RBFOX1: variants seen among roughly 807,000 people sequenced by gnomAD.
The protein encoded by RBFOX1 is RNA binding fox-1 homolog 1, also known as RNA binding protein fox-1 homolog 1.
A neutral mutation model predicts 57.7 loss-of-function variants in RBFOX1; 8 were observed. The observed-to-expected ratio is 0.14, with a 90% CI of 0.08 to 0.25. The LOEUF is 0.25. Ranked by LOEUF, RBFOX1 falls within the 10% of genes least tolerant of loss-of-function variation. The pLI is 1.00. For missense variants in RBFOX1, 611 were observed against 548.5 expected, an observed-to-expected ratio of 1.11 and a Z score of -1.14; for synonymous variants, 326 against 222.4, an observed-to-expected ratio of 1.47 and a Z score of -4.15.
intron 2 of RBFOX1, among the ~76,000 whole-genome samples, chr16:6,550,683 A>C (rs76204992): frequency 1.3e-3 from 203 of 152,322 alleles, no homozygotes; most frequent in Non-Finnish European, 2.5e-3. Flanking sequence ...CATGAGCCAA[A>C]ATCAATTTCT....
At chr16:5,627,732 G>A (rs2048386224) in intron 3 of RBFOX1, among the ~76,000 whole-genome samples, 1 of 152,080 alleles carries the variant, frequency 6.6e-6, no homozygotes, top group African/African-American at 2.4e-5. Context: ...AAAAAATACA[G>A]TATAACAACT....
In RBFOX1 at chr16:7,329,929, C is replaced by G. The variant is rs1044620988; in HGVS notation, c.28-188218C>G. On this transcript the variant is annotated intron_variant, in intron 4 of 15. Transcript: ENST00000550418. ...ATTCTTTTATATATAAGCATATATA[C>G]ACACAGTCACGTGTCCCTTAACATT... is the stretch of plus-strand genomic sequence containing the variant. Among the ~76,000 whole-genome samples, 67 of 152,162 alleles carry G rather than the reference C, an allele frequency of 4.4e-4. 1 individual carries two copies. The highest frequency in any genetic ancestry group is 1.6e-3 in the African/African-American group (66 of 41,430).
intron 4 of RBFOX1, among the ~76,000 whole-genome samples, chr16:7,484,987 T>A (rs1282993180): frequency 6.6e-6 from 1 of 152,190 alleles, no homozygotes; most frequent in Non-Finnish European, 1.5e-5. Flanking sequence ...GTCTGGGTTT[T>A]CATAACTCAG....
At chr16:7,561,996 C>A (rs1286589695) in intron 5 of RBFOX1, among the ~76,000 whole-genome samples, 1 of 151,380 alleles carries the variant, frequency 6.6e-6, no homozygotes, top group Non-Finnish European at 1.5e-5. Context: ...TTAAAGAAAA[C>A]CAGGAGGTTA....
At chr16:7,416,633 C>T (rs1434885122) in intron 4 of RBFOX1, among the ~76,000 whole-genome samples, 1 of 152,154 alleles carries the variant, frequency 6.6e-6, no homozygotes, top group Non-Finnish European at 1.5e-5. Flanking sequence ...CCCACGATTC[C>T]CAGTCATTGA....
At chr16:6,223,483 G>T (rs1330793049) in intron 1 of RBFOX1, among the ~76,000 whole-genome samples, 1 of 152,072 alleles carries the variant, frequency 6.6e-6, no homozygotes, top group Non-Finnish European at 1.5e-5. Flanking sequence ...GTGTCTTTTG[G>T]CTGCATAAAT....
At chr16:6,388,260 T>C (rs1465200261) in intron 2 of RBFOX1, among the ~76,000 whole-genome samples, 5 of 151,946 alleles carry the variant, frequency 3.3e-5, no homozygotes, top group Admixed American at 6.6e-5. Flanking sequence ...GCCACCGTGC[T>C]TGGTCCTGTC....
At chr16:5,629,108 AAAG>A (rs78722160) in intron 3 of RBFOX1, among the ~76,000 whole-genome samples, 1 of 151,760 alleles carries the variant, frequency 6.6e-6, no homozygotes, top group African/African-American at 2.4e-5. Context: ...GATGCTGTAA[AAAG>A]AAGAAGCTAT....
At chr16:5,706,181 G>T (rs1317461058) in intron 3 of RBFOX1, among the ~76,000 whole-genome samples, 1 of 152,220 alleles carries the variant, frequency 6.6e-6, no homozygotes, top group East Asian at 1.9e-4. Flanking sequence ...AAAGTGCTGG[G>T]ATTACAGGCG....
At chr16:5,603,411 T>A (rs1478517248), downstream of RBFOX1, among the ~76,000 whole-genome samples, 1 of 152,154 alleles carries the variant, frequency 6.6e-6, no homozygotes, top group Non-Finnish European at 1.5e-5. Flanking sequence ...CAGTCTGAAA[T>A]TCAGACCCAG....
chr16:5,341,513 G>C (rs1000782043), intron 1 of RBFOX1, among the ~76,000 whole-genome samples: 2 of 152,128 alleles, frequency 1.3e-5, no homozygotes, highest in Admixed American at 6.6e-5. Context: ...TTGGATGTGG[G>C]GTGGGGAAAA....
At chr16:6,487,382 G>T (rs2095508315) in intron 2 of RBFOX1, among the ~76,000 whole-genome samples, 1 of 151,898 alleles carries the variant, frequency 6.6e-6, no homozygotes. Context: ...ATAGGGTATT[G>T]GGAGGGTCTC....
intron 3 of RBFOX1, among the ~76,000 whole-genome samples, chr16:6,947,498 G>A (rs1357625166): frequency 6.6e-6 from 1 of 152,132 alleles, no homozygotes; most frequent in Non-Finnish European, 1.5e-5. Context: ...GGAACACCCT[G>A]AAATAGAGCG....
At position 7,595,605 on chromosome 16, in the gene RBFOX1, A is replaced by G. The variant is rs1265437419; in HGVS notation, c.525A>G (p.Lys175=). The G allele has an allele frequency of 6.3e-7, 1 of 1,575,846 alleles. No individual in the cohort carries two copies. ...NSADADRARE[K]LHGTVVEGRK... ...CCGATGCGGACAGGGCGAGGGAGAA[A>G]TTACACGGCACCGTGGTAGAGGGCC... The change falls in exon 8 of 16, where the codon AAA becomes AAG. Residue 175 remains lysine (K), a synonymous_variant. Transcript: ENST00000550418.
At chr16:6,534,094 G>T (rs1026171668) in intron 2 of RBFOX1, among the ~76,000 whole-genome samples, 2 of 152,134 alleles carry the variant, frequency 1.3e-5, no homozygotes, top group Admixed American at 1.3e-4. Flanking sequence ...GGCTTCTTCA[G>T]AGATGCTCAT....
intron 1 of RBFOX1, among the ~76,000 whole-genome samples, chr16:6,068,803 G>A (rs1046733334): frequency 6.6e-6 from 1 of 152,102 alleles, no homozygotes; most frequent in Non-Finnish European, 1.5e-5. Flanking sequence ...ATTTTAAGTT[G>A]GTCTGGTGAT....
intron 2 of RBFOX1, among the ~76,000 whole-genome samples, chr16:5,477,683 C>T (rs2069379176): frequency 1.3e-5 from 2 of 152,158 alleles, no homozygotes; most frequent in African/African-American, 4.8e-5. Context: ...GGCTGGGGTG[C>T]ATATAACACC....
chr16:6,779,709 A>T (rs1357492865), intron 3 of RBFOX1, among the ~76,000 whole-genome samples: 1 of 117,880 alleles, frequency 8.5e-6, no homozygotes, highest in African/African-American at 3.3e-5. Context: ...TTATATATAT[A>T]TTTATATATA....
chr16:7,658,028 G>C (rs1467212582), intron 12 of RBFOX1, among the ~76,000 whole-genome samples: 2 of 152,174 alleles, frequency 1.3e-5, no homozygotes, highest in African/African-American at 4.8e-5. Flanking sequence ...GCTTAAGCGA[G>C]AGTGGGGGAT....
Sources: allele counts gnomAD v4.1 joint callset (sites outside exome capture counted in the v4.1 genomes callset), GRCh38; gene constraint gnomAD v4.1.1; transcripts MANE v1.5; gene names NCBI Gene and HGNC (gene_info 2026-07-23, HGNC 2026-07-21).